Variants in SLC14A2 observed in about 807,000 individuals in gnomAD.
The protein encoded by SLC14A2 is solute carrier family 14 member 2.
SLC14A2 carries 91 observed loss-of-function variants against 104.6 expected under a neutral mutation model. The ratio of observed to expected loss-of-function variants is 0.87; its 90% CI spans 0.73 to 1.04. The LOEUF is 1.04. SLC14A2 is among the 50% of genes least tolerant of loss of function. The probability of loss-of-function intolerance (pLI) is 0.00; values close to 1 mark genes in which losing one functional copy is unlikely to be tolerated. For synonymous variants in SLC14A2, 476 were observed against 466.4 expected (o/e 1.02, Z -0.27); for missense variants, 1,189 against 1,156.0 (o/e 1.03, Z -0.41).
intron 1 of SLC14A2, among the ~76,000 whole-genome samples, chr18:45,443,202 A>G (rs1384936108): frequency 6.6e-6 from 1 of 152,228 alleles, no homozygotes; most frequent in Non-Finnish European, 1.5e-5. Flanking sequence ...AATCACTGAC[A>G]AGAGGCAAAC....
chr18:45,420,886 A>T (rs1398314310), intron 1 of SLC14A2, among the ~76,000 whole-genome samples: 2 of 151,914 alleles, frequency 1.3e-5, no homozygotes, highest in Admixed American at 1.3e-4. Context: ...GACTACAGGC[A>T]TGCACCACCA....
intron 1 of SLC14A2, among the ~76,000 whole-genome samples, chr18:45,313,147 G>A (rs908335232): frequency 4.6e-5 from 7 of 152,162 alleles, no homozygotes; most frequent in East Asian, 1.9e-4. Flanking sequence ...CCACCAAACC[G>A]GATGGCATCC....
intron 1 of SLC14A2, among the ~76,000 whole-genome samples, chr18:45,280,583 G>A: frequency 6.6e-6 from 1 of 152,112 alleles, no homozygotes; most frequent in Non-Finnish European, 1.5e-5. Flanking sequence ...TGTGTCTACA[G>A]GTCCTGGGAG....
chr18:45,505,595 G>A (rs962874985), intron 2 of SLC14A2, among the ~76,000 whole-genome samples: 1 of 152,088 alleles, frequency 6.6e-6, no homozygotes, highest in Non-Finnish European at 1.5e-5. Context: ...GCAAGGTCAG[G>A]CCAGTGTCTT....
At chr18:45,484,802 G>A (rs772177291) in intron 2 of SLC14A2, among the ~76,000 whole-genome samples, 9 of 151,914 alleles carry the variant, frequency 5.9e-5, no homozygotes, top group South Asian at 2.1e-4. Flanking sequence ...TTGAGTGTGC[G>A]TGTGTGTAAT....
chr18:45,268,303 T>G (rs1435176664), intron 1 of SLC14A2, among the ~76,000 whole-genome samples: 1 of 152,208 alleles, frequency 6.6e-6, no homozygotes, highest in African/African-American at 2.4e-5. Context: ...TGTTCCTTCC[T>G]CAAACTATAG....
At chr18:45,546,672 C>T (rs2043975070) in intron 2 of SLC14A2, among the ~76,000 whole-genome samples, 1 of 152,222 alleles carries the variant, frequency 6.6e-6, no homozygotes, top group African/African-American at 2.4e-5. Context: ...ATCTATCACT[C>T]ACTAGTTGTT....
At position 45,632,440 on chromosome 18, in the gene SLC14A2, G is replaced by T. The variant is rs2045360541; in HGVS notation, c.612G>T (p.Trp204Cys). The T allele has an allele frequency of 1.2e-6, 2 of 1,614,028 alleles. No homozygotes were observed. Among genetic ancestry groups the T allele is most frequent in the Non-Finnish European group, 1.7e-6 (2 of 1,179,958 alleles). ...TCTCGGAGAAGTTAGACTACTACTGGTGGCTTCTGTTTCCTGTGACCTTCA... is the reference window on the plus strand; with the variant it reads ...TCTCGGAGAAGTTAGACTACTACTGTTGGCTTCTGTTTCCTGTGACCTTCA... ...AVFSEKLDYY[W>C]WLLFPVTFTA... The change falls in exon 5 of 20, where the codon TGG becomes TGT. Residue 204 changes from tryptophan (W) to cysteine (C), a missense_variant. Coordinates refer to ENST00000255226, the MANE Select transcript of SLC14A2 (RefSeq NM_007163.4).
At chr18:45,316,871 C>T (rs982827224) in intron 1 of SLC14A2, among the ~76,000 whole-genome samples, 3 of 152,216 alleles carry the variant, frequency 2.0e-5, no homozygotes, top group Admixed American at 6.5e-5. Flanking sequence ...AATCTCTGTG[C>T]TCTCCTCCCA....
chr18:45,372,316 C>CAATAATAATAATAAT (rs59063935), intron 1 of SLC14A2, among the ~76,000 whole-genome samples: 36 of 148,506 alleles, frequency 2.4e-4, no homozygotes, highest in African/African-American at 8.7e-4. Context: ...GTCTCAAAAA[C>CAATAATAATAATAAT]AATAATAATA....
At chr18:45,251,837 T>G (rs952441217) in intron 1 of SLC14A2, among the ~76,000 whole-genome samples, 1 of 152,192 alleles carries the variant, frequency 6.6e-6, no homozygotes, top group African/African-American at 2.4e-5. Flanking sequence ...ACATATGAAT[T>G]TTGGGAGCAC....
intron 1 of SLC14A2, among the ~76,000 whole-genome samples, chr18:45,232,339 G>A (rs1017577706): frequency 3.3e-5 from 5 of 152,124 alleles, no homozygotes; most frequent in African/African-American, 9.7e-5. Context: ...CAGATCTTAT[G>A]AGAACTCACT....
intron 2 of SLC14A2, among the ~76,000 whole-genome samples, chr18:45,532,308 C>T (rs1443123501): frequency 6.6e-6 from 1 of 152,144 alleles, no homozygotes; most frequent in Non-Finnish European, 1.5e-5. Context: ...GCCATTTTCA[C>T]AATATTGACT....
intron 1 of SLC14A2, among the ~76,000 whole-genome samples, chr18:45,251,673 G>A (rs74685355): frequency 6.6e-6 from 1 of 152,088 alleles, no homozygotes; most frequent in African/African-American, 2.4e-5. Context: ...CCCTCTGTAA[G>A]GTATGTATCT....
intron 2 of SLC14A2, among the ~76,000 whole-genome samples, chr18:45,582,425 A>AGAAAG (rs2044506109): frequency 6.6e-6 from 1 of 152,212 alleles, no homozygotes; most frequent in Non-Finnish European, 1.5e-5. Flanking sequence ...TGTACAGATA[A>AGAAAG]GAAAGGATTT....
intron 8 of SLC14A2, 85 bp from the exon 9 acceptor site, chr18:45,643,047 G>C (rs942720118): frequency 2.4e-6 from 3 of 1,233,518 alleles, no homozygotes; most frequent in Non-Finnish European, 2.4e-6. Flanking sequence ...TCCTGTTCTT[G>C]GTCTGGGCTC....
At chr18:45,178,551 G>T in the SLC14A2 span, among the ~76,000 whole-genome samples, 1 of 152,074 alleles carries the variant, frequency 6.6e-6, no homozygotes, top group Admixed American at 6.6e-5. Flanking sequence ...AATAGCAAAA[G>T]AATTATAGGC....
chr18:45,445,846 T>A (rs1041806180), intron 1 of SLC14A2, among the ~76,000 whole-genome samples: 8 of 152,170 alleles, frequency 5.3e-5, no homozygotes, highest in Admixed American at 5.2e-4. Flanking sequence ...ACTCTTAGAA[T>A]TCTCTTTGAG....
intron 1 of SLC14A2, chr18:45,438,101 G>A (rs1167082555): frequency 6.6e-6 from 1 of 152,224 alleles, no homozygotes; most frequent in African/African-American, 2.4e-5. Context: ...ACGACATGGA[G>A]AGGCAAAAAT....
Sources: allele counts gnomAD v4.1 joint callset (sites outside exome capture counted in the v4.1 genomes callset), GRCh38; gene constraint gnomAD v4.1.1; transcripts MANE v1.5; gene names NCBI Gene and HGNC (gene_info 2026-07-23, HGNC 2026-07-21).